Variants in SPATA31F3 observed in about 807,000 individuals in gnomAD.
SPATA31F3 encodes protein SPATA31F3.
At chr9:34,893,935 T>A in the SPATA31F3 span, among the ~76,000 whole-genome samples, 1 of 152,170 alleles carries the variant, frequency 6.6e-6, no homozygotes, top group African/African-American at 2.4e-5. Flanking sequence ...GCTGATATAC[T>A]CAATATCTTT....
At chr9:34,895,520 C>T in the SPATA31F3 span, 11 of 398,358 alleles carry the variant, frequency 2.8e-5, no homozygotes, top group African/African-American at 4.1e-5. Flanking sequence ...AGAGAAAGCT[C>T]GGGGATAAAA....
the SPATA31F3 span, chr9:34,893,048 G>C: frequency 1.1e-6 from 1 of 939,288 alleles, no homozygotes; most frequent in African/African-American, 1.6e-5. Context: ...GTTCTCACCT[G>C]CCAGCAATTG....
chr9:34,895,449 T>C, the SPATA31F3 span: 6 of 397,256 alleles, frequency 1.5e-5, no homozygotes, highest in Non-Finnish European at 2.2e-5. Context: ...TCACCCAAAT[T>C]GGGAGCTCTT....
At chr9:34,892,594 G>T in the SPATA31F3 span, 7 of 446,678 alleles carry the variant, frequency 1.6e-5, no homozygotes, top group South Asian at 2.2e-4. Flanking sequence ...ATAGGCTGTT[G>T]TTGTAGGTTT....
the SPATA31F3 span, among the ~76,000 whole-genome samples, chr9:34,890,698 T>C: frequency 6.6e-6 from 1 of 152,212 alleles, no homozygotes; most frequent in Non-Finnish European, 1.5e-5. Context: ...AGATATTCTT[T>C]GGGATGGTGA....
the SPATA31F3 span, among the ~76,000 whole-genome samples, chr9:34,891,806 A>G: frequency 1.3e-5 from 2 of 152,276 alleles, no homozygotes; most frequent in African/African-American, 4.8e-5. Flanking sequence ...TCCTGGATCT[A>G]CAGAGATCTC....
chr9:34,893,062 A>G, the SPATA31F3 span: 1 of 965,836 alleles, frequency 1.0e-6, no homozygotes, highest in Non-Finnish European at 1.6e-6. Flanking sequence ...GCAATTGCTT[A>G]ATCTCCAGAG....
At chr9:34,895,639 A>G in the SPATA31F3 span, 1 of 401,130 alleles carries the variant, frequency 2.5e-6, no homozygotes, top group Non-Finnish European at 4.4e-6. Context: ...TCACTTGCCA[A>G]ATAATTAATG....
chr9:34,890,252 C>T, the SPATA31F3 span, among the ~76,000 whole-genome samples: 1 of 152,230 alleles, frequency 6.6e-6, no homozygotes. Flanking sequence ...CTGGGGAGAG[C>T]TCCAGTGCTG....
At chr9:34,889,681 C>G in the SPATA31F3 span, 1 of 398,218 alleles carries the variant, frequency 2.5e-6, no homozygotes, top group Non-Finnish European at 4.4e-6. Flanking sequence ...CTTACCAGAC[C>G]CTGCAACTCT....
the SPATA31F3 span, chr9:34,889,697 C>A: frequency 5.0e-6 from 2 of 398,126 alleles, no homozygotes; most frequent in South Asian, 1.3e-4. Context: ...ACTCTTAGCC[C>A]TAGAAAGTGT....
At chr9:34,891,029 C>T in the SPATA31F3 span, among the ~76,000 whole-genome samples, 7 of 152,126 alleles carry the variant, frequency 4.6e-5, no homozygotes, top group Admixed American at 1.3e-4. Context: ...ATTGCCTGGG[C>T]CACAGCCCTG....
the SPATA31F3 span, among the ~76,000 whole-genome samples, chr9:34,890,561 G>A: frequency 1.3e-5 from 2 of 152,220 alleles, no homozygotes; most frequent in African/African-American, 4.8e-5. Context: ...TCAACGGCAA[G>A]CTGTTCTTTC....
chr9:34,891,504 C>G, the SPATA31F3 span, among the ~76,000 whole-genome samples: 1 of 152,206 alleles, frequency 6.6e-6, no homozygotes, highest in Non-Finnish European at 1.5e-5. Context: ...GTGCTGCATG[C>G]TGGGAAGACC....
chr9:34,894,406 T>G, the SPATA31F3 span: 1 of 398,576 alleles, frequency 2.5e-6, no homozygotes, highest in African/African-American at 2.1e-5. Flanking sequence ...CAGACCAGAC[T>G]AGCAGCTGGG....
At chr9:34,894,285 C>T in the SPATA31F3 span, among the ~76,000 whole-genome samples, 1 of 152,176 alleles carries the variant, frequency 6.6e-6, no homozygotes, top group African/African-American at 2.4e-5. Context: ...GCCCAGCCCC[C>T]CTGCCCTGGT....
chr9:34,894,948 C>G, the SPATA31F3 span: 1 of 398,012 alleles, frequency 2.5e-6, no homozygotes, highest in Non-Finnish European at 4.4e-6. Context: ...GTTAGAGCAC[C>G]TGCTGTTAGC....
At chr9:34,893,049 C>A in the SPATA31F3 span, 1 of 598,050 alleles carries the variant, frequency 1.7e-6, no homozygotes. Flanking sequence ...TTCTCACCTG[C>A]CAGCAATTGC....
the SPATA31F3 span, among the ~76,000 whole-genome samples, chr9:34,891,464 A>C: frequency 1.3e-5 from 2 of 152,316 alleles, no homozygotes; most frequent in Middle Eastern, 3.4e-3. Context: ...ACAGTGGATC[A>C]GAGAAGGCCA....
Sources: gnomAD v4.1 joint callset for allele counts (sites outside exome capture counted in the v4.1 genomes callset) on GRCh38, gnomAD v4.1.1 for gene constraint, MANE v1.5 for transcripts, NCBI Gene and HGNC (gene_info 2026-07-23, HGNC 2026-07-21) for gene names.